Variants in ATXN7L1 observed in about 807,000 individuals in gnomAD.
ATXN7L1 encodes ataxin 7 like 1.
ATXN7L1 carries 15 observed loss-of-function variants against 70.8 expected under a neutral mutation model. That is an observed-to-expected ratio of 0.21 (90% CI 0.14 to 0.33). The LOEUF is 0.33. Among genes scored for constraint, ATXN7L1 ranks in the 10% least tolerant of loss-of-function variants. The pLI is 1.00. For synonymous variants in ATXN7L1, 440 were observed against 445.1 expected (o/e 0.99, Z 0.14); for missense variants, 975 against 1,097.1 (o/e 0.89, Z 1.57).
At chr7:105,788,872 C>T (rs1338880392) in intron 2 of ATXN7L1, among the ~76,000 whole-genome samples, 164 bp from the exon 3 acceptor site, 4 of 152,332 alleles carry the variant, frequency 2.6e-5, no homozygotes, top group East Asian at 3.9e-4. Context: ...GGCAACTCCC[C>T]GCCTCTTAGA....
chr7:105,787,649 A>C (rs1804504276), intron 3 of ATXN7L1, among the ~76,000 whole-genome samples: 2 of 152,204 alleles, frequency 1.3e-5, no homozygotes, highest in Non-Finnish European at 1.5e-5. Context: ...GGTGGGGAAA[A>C]GTCAGAAATT....
intron 4 of ATXN7L1, among the ~76,000 whole-genome samples, chr7:105,659,605 G>C (rs1476020201): frequency 2.0e-5 from 3 of 152,206 alleles, no homozygotes; most frequent in African/African-American, 7.2e-5. Context: ...GAATGGTAAG[G>C]ATTATGGCCA....
intron 2 of ATXN7L1, among the ~76,000 whole-genome samples, chr7:105,822,987 A>C (rs542525802): frequency 2.0e-4 from 30 of 152,286 alleles, no homozygotes; most frequent in African/African-American, 7.2e-4. Context: ...CAGCTCCAAA[A>C]ATTTTTACTG....
chr7:105,675,829 G>A (rs761821699), intron 3 of ATXN7L1, among the ~76,000 whole-genome samples: 8 of 150,616 alleles, frequency 5.3e-5, no homozygotes, highest in Non-Finnish European at 8.8e-5. Flanking sequence ...TACAAATGCA[G>A]GAAGGAGACA....
chr7:105,778,529 A>AAAC (rs1554460028), intron 3 of ATXN7L1, among the ~76,000 whole-genome samples: 80 of 141,976 alleles, frequency 5.6e-4, no homozygotes, highest in Non-Finnish European at 6.4e-4. Context: ...AAAAAAAAAA[A>AAAC]AAAAAACAAA....
intron 3 of ATXN7L1, among the ~76,000 whole-genome samples, chr7:105,779,138 C>T (rs1472835411): frequency 6.6e-6 from 1 of 152,244 alleles, no homozygotes. Flanking sequence ...ACTCTGGAGT[C>T]AGACATTGGA....
At chr7:105,866,242 T>G (rs1817457326) in intron 2 of ATXN7L1, among the ~76,000 whole-genome samples, 1 of 152,210 alleles carries the variant, frequency 6.6e-6, no homozygotes, top group African/African-American at 2.4e-5. Context: ...CACCGGTAAG[T>G]GCTTCTGTGT....
At chr7:105,771,708 G>A (rs137992038) in intron 3 of ATXN7L1, among the ~76,000 whole-genome samples, 312 of 152,282 alleles carry the variant, frequency 2.0e-3, no homozygotes, top group African/African-American at 7.1e-3. Context: ...GACTGTAAGT[G>A]GGTAAAGTAT....
chr7:105,691,295 C>G (rs368564046), intron 3 of ATXN7L1, among the ~76,000 whole-genome samples: 65 of 152,154 alleles, frequency 4.3e-4, no homozygotes, highest in Admixed American at 4.3e-3. Flanking sequence ...TTGTGAACGA[C>G]TAAAGGAAAA....
Position 105,692,370 on chromosome 7 carries a change from TTTCCTTCCTTCC to T in ATXN7L1, c.356-27094_356-27083del, listed in dbSNP as rs60485799. Among the ~76,000 whole-genome samples, 116 of 94,608 alleles carry T rather than the reference TTTCCTTCCTTCC, an allele frequency of 1.2e-3. 2 individuals carry two copies. The highest frequency in any genetic ancestry group is 5.6e-3 in the Middle Eastern group (1 of 180). The allele number at this position is 94,608 out of a possible 152,430, so 62.1% of individuals were successfully genotyped here. On this transcript the variant is annotated intron_variant, in intron 3 of 11. Transcript: ENST00000419735. ...GGGACATGCTGGATGAATTTCTTTC[TTTCCTTCCTTCC>T]TTCCTTCCTTCCTTCCTTCCTTCCT...
chr7:105,829,328 A>C (rs1811284845), intron 2 of ATXN7L1, among the ~76,000 whole-genome samples: 1 of 152,232 alleles, frequency 6.6e-6, no homozygotes, highest in Non-Finnish European at 1.5e-5. Flanking sequence ...CTGTAGTCCC[A>C]GCTACGCGGG....
chr7:105,771,960 G>A (rs1802069852), intron 3 of ATXN7L1, among the ~76,000 whole-genome samples: 2 of 150,276 alleles, frequency 1.3e-5, no homozygotes, highest in African/African-American at 2.4e-5. Flanking sequence ...CAATGTAAAC[G>A]GAAATATAAA....
chr7:105,854,471 GAAA>G (rs59330079), intron 2 of ATXN7L1, among the ~76,000 whole-genome samples: 1,571 of 97,710 alleles, frequency 0.016, 14 homozygotes, highest in East Asian at 0.052. Flanking sequence ...AATTAGCTCT[GAAA>G]AAAAAAAAAA....
chr7:105,817,680 G>A (rs1463113586), intron 2 of ATXN7L1, among the ~76,000 whole-genome samples: 2 of 152,188 alleles, frequency 1.3e-5, no homozygotes, highest in African/African-American at 4.8e-5. Flanking sequence ...ACTTTGGGAG[G>A]CTGAGGCTGG....
chr7:105,760,071 C>A (rs1263589977), intron 3 of ATXN7L1: 1 of 496,568 alleles, frequency 2.0e-6, no homozygotes, highest in Admixed American at 6.4e-5. Flanking sequence ...CCTCCTCCTA[C>A]TTCTGGGAAG....
intron 4 of ATXN7L1, among the ~76,000 whole-genome samples, chr7:105,649,770 A>C (rs1221951879): frequency 6.6e-6 from 1 of 152,238 alleles, no homozygotes; most frequent in Non-Finnish European, 1.5e-5. Context: ...TTACCAGAGC[A>C]CGGTAAAGAT....
intron 2 of ATXN7L1, among the ~76,000 whole-genome samples, chr7:105,866,523 G>A (rs868702991): frequency 5.9e-5 from 9 of 152,136 alleles, no homozygotes; most frequent in African/African-American, 1.2e-4. Context: ...AGGATGCTCC[G>A]CTGTAGCCTC....
chr7:105,874,502 C>T (rs1818736795), intron 2 of ATXN7L1, among the ~76,000 whole-genome samples: 1 of 152,224 alleles, frequency 6.6e-6, no homozygotes, highest in Non-Finnish European at 1.5e-5. Flanking sequence ...GTCCACTTGA[C>T]ATCAATCCCT....
chr7:105,869,991 T>C (rs1818011745), intron 2 of ATXN7L1, among the ~76,000 whole-genome samples: 1 of 152,140 alleles, frequency 6.6e-6, no homozygotes, highest in Admixed American at 6.5e-5. Context: ...ATTAAAAACA[T>C]TGATATCTGG....
Sources: allele counts gnomAD v4.1 joint callset (sites outside exome capture counted in the v4.1 genomes callset), GRCh38; gene constraint gnomAD v4.1.1; transcripts MANE v1.5; gene names NCBI Gene and HGNC (gene_info 2026-07-23, HGNC 2026-07-21).